The following NEK5 variants were observed in gnomAD, a reference collection of about 807,000 sequenced individuals.
The protein encoded by NEK5 is NIMA related kinase 5.
NEK5 carries 88 observed loss-of-function variants against 109.2 expected under a neutral mutation model. The ratio of observed to expected loss-of-function variants is 0.81; its 90% CI spans 0.68 to 0.96. NEK5 has a LOEUF of 0.96. Among genes scored for constraint, NEK5 ranks in the 40% least tolerant of loss-of-function variants. The pLI, the probability that NEK5 is intolerant of heterozygous loss-of-function variation, is 0.00. For synonymous variants in NEK5, 283 were observed against 299.9 expected (o/e 0.94, Z 0.58); for missense variants, 834 against 920.7 (o/e 0.91, Z 1.22).
chr13:52,095,796 G>T (rs1955398959), intron 12 of NEK5, among the ~76,000 whole-genome samples: 2 of 152,204 alleles, frequency 1.3e-5, no homozygotes, highest in Admixed American at 1.3e-4. Context: ...GAGACGGTAG[G>T]ATCACTTGAG....
chr13:52,105,711 G>A (rs1955639623), intron 8 of NEK5, among the ~76,000 whole-genome samples: 1 of 152,218 alleles, frequency 6.6e-6, no homozygotes, highest in South Asian at 2.1e-4. Flanking sequence ...CTGGGGGTTG[G>A]GTGGGGCCAG....
intron 23 of NEK5, among the ~76,000 whole-genome samples, chr13:52,048,756 G>A (rs148000903): frequency 5.9e-5 from 9 of 152,298 alleles, no homozygotes; most frequent in East Asian, 1.9e-4. Flanking sequence ...GCTCACTAAC[G>A]TGGAATCAAA....
chr13:52,105,429 G>C (rs1286983090), intron 8 of NEK5, among the ~76,000 whole-genome samples: 1 of 151,678 alleles, frequency 6.6e-6, no homozygotes, highest in Non-Finnish European at 1.5e-5. Context: ...ATGTTGCTCA[G>C]GCTGGTCTCA....
intron 12 of NEK5, among the ~76,000 whole-genome samples, chr13:52,093,571 A>G (rs1271180693): frequency 6.6e-6 from 1 of 152,048 alleles, no homozygotes; most frequent in African/African-American, 2.4e-5. Flanking sequence ...AAAAAAAAAA[A>G]CCATAATACA....
chr13:52,083,210 G>A (rs1955050234), intron 17 of NEK5, 50 bp downstream of exon 17: 4 of 1,272,488 alleles, frequency 3.1e-6, no homozygotes, highest in Non-Finnish European at 4.6e-6. Context: ...GCCACTTGGG[G>A]TAGAGCACAC....
intron 21 of NEK5, 39 bp downstream of exon 21, chr13:52,065,445 T>C (rs1367496053): frequency 1.2e-6 from 2 of 1,614,124 alleles, no homozygotes; most frequent in Admixed American, 3.3e-5. Flanking sequence ...GGGTCCTTGG[T>C]CTTCCCTTCC....
At chr13:52,106,978 G>A (rs959671924) in intron 8 of NEK5, among the ~76,000 whole-genome samples, 3 of 152,028 alleles carry the variant, frequency 2.0e-5, no homozygotes, top group African/African-American at 2.4e-5. Context: ...TCCAGTGAGC[G>A]GTCACCAGAC....
chr13:52,079,609 G>T (rs1343377766), intron 17 of NEK5, among the ~76,000 whole-genome samples: 1 of 152,292 alleles, frequency 6.6e-6, no homozygotes, highest in East Asian at 1.9e-4. Flanking sequence ...GTGCTCAATG[G>T]TGCCCAGGCT....
At chr13:52,095,517 T>C (rs1955390366) in intron 12 of NEK5, among the ~76,000 whole-genome samples, 1 of 152,242 alleles carries the variant, frequency 6.6e-6, no homozygotes, top group Non-Finnish European at 1.5e-5. Context: ...TCAAATCTTT[T>C]AGATGTGTTT....
intron 3 of NEK5, among the ~76,000 whole-genome samples, chr13:52,122,507 AC>A (rs1252432521): frequency 6.6e-6 from 1 of 152,182 alleles, no homozygotes; most frequent in Non-Finnish European, 1.5e-5. Context: ...AGTGGCTCAC[AC>A]CTGTAATCCC....
chr13:52,078,879 T>C (rs74906615), intron 17 of NEK5, among the ~76,000 whole-genome samples: 2,377 of 152,330 alleles, frequency 0.016, 73 homozygotes, highest in Admixed American at 0.08. Flanking sequence ...GCACTTATTG[T>C]ACAATTGAGA....
chr13:52,084,284 G>A (rs948226682), intron 16 of NEK5, among the ~76,000 whole-genome samples: 1 of 151,706 alleles, frequency 6.6e-6, no homozygotes, highest in Non-Finnish European at 1.5e-5. Flanking sequence ...AGGCTGGAGT[G>A]CAGTGGAAAA....
chr13:52,050,272 A>G (rs557062486), intron 22 of NEK5, 51 bp from the exon 23 acceptor site: 1 of 591,318 alleles, frequency 1.7e-6, no homozygotes, highest in East Asian at 1.4e-4. Context: ...TATATACCCA[A>G]TGAGGGGCAT....
At chr13:52,049,193 T>C (rs1043344003) in intron 23 of NEK5, among the ~76,000 whole-genome samples, 5 of 152,036 alleles carry the variant, frequency 3.3e-5, no homozygotes, top group Non-Finnish European at 7.4e-5. Context: ...GTGGCCAAGG[T>C]GGGAGGACAA....
intron 12 of NEK5, among the ~76,000 whole-genome samples, chr13:52,094,299 GT>G: frequency 6.6e-6 from 1 of 152,128 alleles, no homozygotes; most frequent in East Asian, 1.9e-4. Flanking sequence ...CTAGTTTACA[GT>G]TTACAGTTAA....
chr13:52,095,719 C>T (rs570598694), intron 12 of NEK5, among the ~76,000 whole-genome samples: 89 of 152,352 alleles, frequency 5.8e-4, no homozygotes, highest in Non-Finnish European at 1.2e-3. Flanking sequence ...GAGACCCTGA[C>T]TCTACAAAAA....
At chr13:52,095,817 C>T (rs919683850) in intron 12 of NEK5, among the ~76,000 whole-genome samples, 1 of 152,078 alleles carries the variant, frequency 6.6e-6, no homozygotes, top group Non-Finnish European at 1.5e-5. Context: ...CCTGGGAGGT[C>T]GAGTGATATG....
At chr13:52,125,964 G>A (rs1414408351) in intron 3 of NEK5, among the ~76,000 whole-genome samples, 6 of 152,206 alleles carry the variant, frequency 3.9e-5, no homozygotes, top group African/African-American at 1.4e-4. Flanking sequence ...TGAGCTTTAA[G>A]TTTGGGTAGG....
At position 52,110,372 on chromosome 13, in the gene NEK5, A is replaced by G; in HGVS notation, c.435T>C (p.Leu145=). The G allele has an allele frequency of 6.2e-7, 1 of 1,613,440 alleles. No individual in the cohort carries two copies. Among genetic ancestry groups the G allele is most frequent in the Non-Finnish European group, 8.5e-7 (1 of 1,179,412 alleles). The change falls in exon 7 of 24, where the codon CTT becomes CTC. Residue 145 remains leucine (L), a synonymous_variant. Coordinates refer to ENST00000684899, the MANE Select transcript of NEK5 (RefSeq NM_001365552.1). The stretch of plus-strand genomic sequence containing the variant: ...GGACTCTTGCTATACCAAAGTCCCC[A>G]AGCTTTGCCACCATTCCGTTCTTGC... ...FLSKNGMVAK[L]GDFGIARVLN...
Sources: allele counts gnomAD v4.1 joint callset (sites outside exome capture counted in the v4.1 genomes callset), GRCh38; gene constraint gnomAD v4.1.1; transcripts MANE v1.5; gene names NCBI Gene and HGNC (gene_info 2026-07-23, HGNC 2026-07-21).